Variants in ZGRF1 observed in about 807,000 individuals in gnomAD.
The protein encoded by ZGRF1 is 5'-3' DNA helicase ZGRF1.
A neutral mutation model predicts 203.5 loss-of-function variants in ZGRF1; 196 were observed. The ratio of observed to expected loss-of-function variants is 0.96; its 90% CI spans 0.86 to 1.08. The LOEUF (loss-of-function observed/expected upper bound fraction) is 1.08, where lower values mean the gene tolerates loss of function less well. Ranked by LOEUF, ZGRF1 falls within the 50% of genes least tolerant of loss-of-function variation. The probability of loss-of-function intolerance (pLI) is 0.00; values close to 1 mark genes in which losing one functional copy is unlikely to be tolerated. For missense variants in ZGRF1, 2,326 were observed against 2,416.3 expected, an observed-to-expected ratio of 0.96 and a Z score of 0.78; for synonymous variants, 809 against 841.3, an observed-to-expected ratio of 0.96 and a Z score of 0.66.
chr4:112,631,033 A>G (rs2047393411), intron 3 of ZGRF1, among the ~76,000 whole-genome samples: 2 of 152,230 alleles, frequency 1.3e-5, no homozygotes, highest in African/African-American at 4.8e-5. Flanking sequence ...CCCCAGTTTC[A>G]TCTTCAGTAA....
At chr4:112,578,813 TG>T (rs1745698600) in intron 16 of ZGRF1, among the ~76,000 whole-genome samples, 2 of 122,456 alleles carry the variant, frequency 1.6e-5, no homozygotes, top group African/African-American at 5.6e-5. Flanking sequence ...CAGGACCAGA[TG>T]GATTCACAGC....
At chr4:112,612,734 C>T (rs2046730810) in intron 6 of ZGRF1, 146 bp from the exon 7 acceptor site, 1 of 553,800 alleles carries the variant, frequency 1.8e-6, no homozygotes, top group Non-Finnish European at 3.3e-6. Context: ...GAATGTAGCA[C>T]TTGAGGATTC....
At chr4:112,583,540 T>C (rs1746644957) in intron 15 of ZGRF1, among the ~76,000 whole-genome samples, 1 of 152,200 alleles carries the variant, frequency 6.6e-6, no homozygotes, top group Non-Finnish European at 1.5e-5. Flanking sequence ...GCATGATAGC[T>C]CACACCTCTA....
chr4:112,607,052 A>C (rs1750874355), intron 8 of ZGRF1, among the ~76,000 whole-genome samples: 1 of 152,228 alleles, frequency 6.6e-6, no homozygotes, highest in African/African-American at 2.4e-5. Flanking sequence ...TCCTTTAATA[A>C]CACTTATATA....
chr4:112,593,130 G>A (rs570300834), intron 10 of ZGRF1, among the ~76,000 whole-genome samples: 1 of 152,296 alleles, frequency 6.6e-6, no homozygotes, highest in African/African-American at 2.4e-5. Context: ...CATCTAGCCT[G>A]TGGTATTTTG....
chr4:112,591,670 C>T (rs1319296272), intron 10 of ZGRF1, among the ~76,000 whole-genome samples: 1 of 152,186 alleles, frequency 6.6e-6, no homozygotes, highest in Non-Finnish European at 1.5e-5. Context: ...AAAACCTTTG[C>T]TCTTGCTATT....
At chr4:112,552,477 A>ATATGAAT (rs1397412533) in intron 22 of ZGRF1, among the ~76,000 whole-genome samples, 1 of 150,678 alleles carries the variant, frequency 6.6e-6, no homozygotes, top group Admixed American at 6.7e-5. Context: ...ACAATGATAT[A>ATATGAAT]TATGAATAAT....
intron 15 of ZGRF1, among the ~76,000 whole-genome samples, chr4:112,583,134 T>C (rs1185628282): frequency 6.6e-6 from 1 of 152,174 alleles, no homozygotes; most frequent in Admixed American, 6.5e-5. Flanking sequence ...AATAATTGCA[T>C]AAAATAATTC....
rs765148365 is a variant in ZGRF1 at position 112,619,682 on chromosome 4, T to C, written c.360A>G (p.Gln120=). 6.3e-7 allele frequency: 1 copy of C among 1,595,960 alleles called. No homozygotes were observed. The highest frequency in any genetic ancestry group is 8.5e-7 in the Non-Finnish European group (1 of 1,172,854). ...TTTTCTTTGGAACCTGACGTGGTCC[T>C]TGAAAACCCTGAAAATATTAAAATA... ...SGLKRKFTGF[Q]GPRQVPKKMV... The change falls in exon 6 of 28, where the codon CAA becomes CAG. Residue 120 remains glutamine, a synonymous_variant. Coordinates refer to ENST00000505019, the MANE Select transcript of ZGRF1 (RefSeq NM_018392.5).
intron 22 of ZGRF1, among the ~76,000 whole-genome samples, chr4:112,553,155 G>A (rs1233875664): frequency 6.6e-6 from 1 of 152,202 alleles, no homozygotes; most frequent in Non-Finnish European, 1.5e-5. Context: ...ATGTGCAAGT[G>A]GCCCAAGAAG....
intron 20 of ZGRF1, among the ~76,000 whole-genome samples, chr4:112,556,801 G>A (rs1269284535): frequency 1.3e-5 from 2 of 152,182 alleles, no homozygotes; most frequent in African/African-American, 4.8e-5. Context: ...AAACATCTGT[G>A]TAGTCTGCAT....
Position 112,617,522 on chromosome 4 carries a change from G to A in ZGRF1, c.2520C>T (p.Asp840=). 1 of 1,611,156 alleles carries A rather than the reference G, an allele frequency of 6.2e-7. No homozygotes were observed. Among genetic ancestry groups the A allele is most frequent in the Non-Finnish European group, 8.5e-7 (1 of 1,179,314 alleles). Reference sequence around the variant, plus strand: ...TTTTCTTTTTCAATATTTCCAAGCTGTCTAAAGCAGTACTGTGTTCACATA... The same window carrying A: ...TTTTCTTTTTCAATATTTCCAAGCTATCTAAAGCAGTACTGTGTTCACATA... ...KSLCEHSTAL[D]SLEILKKKNT... Residue 840 remains aspartate, a synonymous_variant, in exon 6 of 28, where the codon GAC becomes GAT. Coordinates refer to ENST00000505019, the MANE Select transcript of ZGRF1 (RefSeq NM_018392.5).
At chr4:112,542,579 T>C (rs1050640874) in intron 24 of ZGRF1, among the ~76,000 whole-genome samples, 4 of 152,114 alleles carry the variant, frequency 2.6e-5, no homozygotes, top group African/African-American at 9.7e-5. Flanking sequence ...AGTGAAGTTA[T>C]TACAGATGTT....
At chr4:112,562,272 AT>A (rs1297275252) in intron 18 of ZGRF1, 98 bp downstream of exon 18, 2 of 691,846 alleles carry the variant, frequency 2.9e-6, no homozygotes, top group African/African-American at 3.6e-5. Flanking sequence ...TTACAATTTT[AT>A]TGGCAACATT....
At chr4:112,635,287 T>A (rs1428160744) in intron 1 of ZGRF1, among the ~76,000 whole-genome samples, 1 of 151,984 alleles carries the variant, frequency 6.6e-6, no homozygotes, top group Non-Finnish European at 1.5e-5. Flanking sequence ...TGAGAATACA[T>A]GGTACAGACA....
At chr4:112,606,199 C>CT in intron 8 of ZGRF1, 108 bp from the exon 9 acceptor site, 2 of 694,002 alleles carry the variant, frequency 2.9e-6, no homozygotes. Flanking sequence ...CCTGTGAAAA[C>CT]ACACTTGCCA....
intron 3 of ZGRF1, among the ~76,000 whole-genome samples, chr4:112,626,441 T>G (rs2047241777): frequency 6.6e-6 from 1 of 152,190 alleles, no homozygotes; most frequent in East Asian, 1.9e-4. Flanking sequence ...TATAATCCCC[T>G]TTATCTCCAT....
At chr4:112,629,989 A>G (rs1216277001) in intron 3 of ZGRF1, 2 of 252,830 alleles carry the variant, frequency 7.9e-6, no homozygotes, top group Non-Finnish European at 1.6e-5. Flanking sequence ...ACTGCACTCC[A>G]GCCTGGGCAA....
intron 3 of ZGRF1, among the ~76,000 whole-genome samples, chr4:112,624,423 T>A (rs1010078817): frequency 6.6e-6 from 1 of 151,602 alleles, no homozygotes; most frequent in Non-Finnish European, 1.5e-5. Context: ...CGCCACTGCA[T>A]TCCAGCCTAG....
Sources: allele counts gnomAD v4.1 joint callset (sites outside exome capture counted in the v4.1 genomes callset), GRCh38; gene constraint gnomAD v4.1.1; transcripts MANE v1.5; gene names NCBI Gene and HGNC (gene_info 2026-07-23, HGNC 2026-07-21).